ASPH: variants seen among roughly 807,000 people sequenced by gnomAD.
ASPH encodes the protein aspartate beta-hydroxylase.
Under a neutral mutation model 118.4 loss-of-function variants are expected in ASPH, and 100 were observed. That is an observed-to-expected ratio of 0.84 (90% CI 0.72 to 1.00). ASPH has a LOEUF of 1.00. Among genes scored for constraint, ASPH ranks in the 50% least tolerant of loss-of-function variants. The pLI is 0.00. For synonymous variants in ASPH, 315 were observed against 325.6 expected (o/e 0.97, Z 0.35); for missense variants, 920 against 919.5 (o/e 1.00, Z -0.01).
rs147923749 is a variant in ASPH at position 61,541,685 on chromosome 8, T to A, written c.1764+6386A>T. 1.1e-3 allele frequency among the ~76,000 whole-genome samples: 172 copies of A among 152,270 alleles called. 1 individual carries two copies. The highest frequency in any genetic ancestry group is 3.9e-3 in the African/African-American group (164 of 41,550). Reference sequence around the variant, plus strand: ...GGTCATCCTGACGTTACTTTTTTTTTAAGTCATAAATTAACATTCCTGCAA... The same window carrying A: ...GGTCATCCTGACGTTACTTTTTTTTAAAGTCATAAATTAACATTCCTGCAA... On this transcript the variant is annotated intron_variant, in intron 21 of 24. Coordinates refer to ENST00000379454, the MANE Select transcript of ASPH (RefSeq NM_004318.4).
intron 2 of ASPH, among the ~76,000 whole-genome samples, chr8:61,681,792 T>A (rs560365360): frequency 1.8e-4 from 28 of 152,036 alleles, no homozygotes; most frequent in African/African-American, 6.5e-4. Flanking sequence ...AAAACGTTTT[T>A]AGGCTTTAGT....
intron 1 of ASPH, among the ~76,000 whole-genome samples, chr8:61,685,270 C>T (rs1449386587): frequency 6.6e-6 from 1 of 152,150 alleles, no homozygotes. Context: ...GCTGTCAAGG[C>T]TTATGACAAA....
chr8:61,596,521 C>T (rs373895180), intron 14 of ASPH, among the ~76,000 whole-genome samples: 2 of 152,350 alleles, frequency 1.3e-5, no homozygotes, highest in East Asian at 1.9e-4. Context: ...GGCCCACAGA[C>T]GGGCATGCCC....
chr8:61,651,552 T>C (rs1810981494), intron 4 of ASPH: 1 of 156,482 alleles, frequency 6.4e-6, no homozygotes. Context: ...TTGAAGTATC[T>C]GGTCAACCAT....
intron 22 of ASPH, among the ~76,000 whole-genome samples, chr8:61,523,316 CTTTCTTTTTTTT>C (rs1376534729): frequency 6.9e-6 from 1 of 144,142 alleles, no homozygotes; most frequent in Non-Finnish European, 1.5e-5. Flanking sequence ...TTCTTTCTTT[CTTTCTTTTTTTT>C]TTTTTTTTTG....
intron 15 of ASPH, among the ~76,000 whole-genome samples, chr8:61,580,039 AT>A (rs1836985878): frequency 6.6e-6 from 1 of 151,214 alleles, no homozygotes; most frequent in Non-Finnish European, 1.5e-5. Context: ...CTTTGACTCC[AT>A]GTCTCACATC....
At chr8:61,664,054 G>A in intron 3 of ASPH, 1 of 963,936 alleles carries the variant, frequency 1.0e-6, no homozygotes, top group South Asian at 4.8e-5. Flanking sequence ...TTAACATTAA[G>A]AGAATCAAAA....
intron 5 of ASPH, 143 bp downstream of exon 5, chr8:61,650,907 C>T: frequency 2.8e-6 from 2 of 724,474 alleles, no homozygotes; most frequent in Non-Finnish European, 2.2e-6. Flanking sequence ...ACAACACCTG[C>T]TATCTAACTT....
At chr8:61,620,950 T>C (rs1850691533) in intron 13 of ASPH, among the ~76,000 whole-genome samples, 1 of 152,216 alleles carries the variant, frequency 6.6e-6, no homozygotes, top group Non-Finnish European at 1.5e-5. Context: ...CATATAGAAG[T>C]GGAAGGTGCT....
intron 1 of ASPH, among the ~76,000 whole-genome samples, chr8:61,690,642 C>T (rs986635834): frequency 1.4e-4 from 22 of 152,146 alleles, no homozygotes; most frequent in Admixed American, 7.2e-4. Context: ...ATTAATTTAG[C>T]ACAAATAGTA....
At chr8:61,653,441 A>T (rs1812104471) in intron 4 of ASPH, 127 bp downstream of exon 4, 2 of 863,610 alleles carry the variant, frequency 2.3e-6, no homozygotes. Context: ...TCAGAAGAGA[A>T]AAAAAGTAGT....
At chr8:61,525,607 C>G (rs923652837) in intron 22 of ASPH, among the ~76,000 whole-genome samples, 2 of 152,160 alleles carry the variant, frequency 1.3e-5, no homozygotes, top group African/African-American at 4.8e-5. Flanking sequence ...AAATGATGCT[C>G]AGGGACATAA....
chr8:61,617,708 A>G (rs1849498875), intron 14 of ASPH, among the ~76,000 whole-genome samples: 1 of 152,022 alleles, frequency 6.6e-6, no homozygotes. Flanking sequence ...AGGTGGGAGG[A>G]TTACAACAAG....
At chr8:61,570,825 T>C (rs1185802600) in intron 16 of ASPH, among the ~76,000 whole-genome samples, 1 of 152,228 alleles carries the variant, frequency 6.6e-6, no homozygotes, top group Non-Finnish European at 1.5e-5. Flanking sequence ...ATGAGATGTG[T>C]CATTTTCTGC....
In ASPH at chr8:61,644,651, G is replaced by T; in HGVS notation, c.620-19C>A. ...TCGGTTTCTGGAAAAAAAAAAATTA[G>T]ATTGATATTTACTGCTTTTACAAAA... On this transcript the variant is annotated intron_variant, in intron 6 of 24. Coordinates refer to ENST00000379454, the MANE Select transcript of ASPH (RefSeq NM_004318.4). 6 of 1,570,068 alleles carry T rather than the reference G, an allele frequency of 3.8e-6. No homozygotes were observed. The highest frequency in any genetic ancestry group is 5.2e-6 in the Non-Finnish European group (6 of 1,153,762).
chr8:61,679,963 A>AAAAC (rs1563554638), intron 3 of ASPH, among the ~76,000 whole-genome samples: 4 of 148,460 alleles, frequency 2.7e-5, no homozygotes, highest in Middle Eastern at 3.4e-3. Flanking sequence ...AAAAAACAAA[A>AAAAC]AACACCAACA....
At chr8:61,550,593 T>C (rs1250625469) in intron 20 of ASPH, among the ~76,000 whole-genome samples, 2 of 152,192 alleles carry the variant, frequency 1.3e-5, no homozygotes, top group Non-Finnish European at 2.9e-5. Flanking sequence ...AGCTGGGGTA[T>C]GTTCTGCCTG....
Position 61,633,734 on chromosome 8 carries a change from T to C in ASPH, c.890-7A>G, listed in dbSNP as rs1856579986. On this transcript the variant is annotated splice_region_variant and splice_polypyrimidine_tract_variant and intron_variant, in intron 12 of 24. Coordinates refer to ENST00000379454, the MANE Select transcript of ASPH (RefSeq NM_004318.4). ...ACAGGAAAAATGCTTACTTCTAAAA[T>C]AAATAATAAAGTTATAATCTGTTAC... is the stretch of plus-strand genomic sequence containing the variant. 6.3e-7 allele frequency: 1 copy of C among 1,588,188 alleles called. No homozygotes were observed. Among genetic ancestry groups the C allele is most frequent in the Non-Finnish European group, 8.6e-7 (1 of 1,163,578 alleles).
chr8:61,567,119 G>C (rs201962418), intron 17 of ASPH, 49 bp downstream of exon 17: 1 of 1,593,524 alleles, frequency 6.3e-7, no homozygotes, highest in East Asian at 2.2e-5. Flanking sequence ...GCTTCTTCAA[G>C]ATAAAACATA....
Sources: gnomAD v4.1 joint callset for allele counts (sites outside exome capture counted in the v4.1 genomes callset) on GRCh38, gnomAD v4.1.1 for gene constraint, MANE v1.5 for transcripts, NCBI Gene and HGNC (gene_info 2026-07-23, HGNC 2026-07-21) for gene names.